The following THAP8 variants were observed in gnomAD, a reference collection of about 807,000 sequenced individuals.
THAP8 encodes THAP domain-containing protein 8.
In THAP8, 24 loss-of-function variants were observed where a neutral mutation model predicts 25.0. The observed-to-expected ratio is 0.96, with a 90% CI of 0.69 to 1.35. The LOEUF (loss-of-function observed/expected upper bound fraction) is 1.35. THAP8 is among the 40% of genes most tolerant of loss of function. The pLI, the probability that THAP8 is intolerant of heterozygous loss-of-function variation, is 0.00. For synonymous variants in THAP8, 169 were observed against 157.6 expected, an observed-to-expected ratio of 1.07 and a Z score of -0.54; for missense variants, 399 against 368.8, an observed-to-expected ratio of 1.08 and a Z score of -0.67.
chr19:36,049,940 G>A (rs1222826414), intron 1 of THAP8, among the ~76,000 whole-genome samples: 1 of 151,734 alleles, frequency 6.6e-6, no homozygotes, highest in Non-Finnish European at 1.5e-5. Flanking sequence ...TGTGGTCCCA[G>A]CTACTCAGGA....
rs543189162 is a variant in THAP8, at chr19:36,038,993, T to C, written c.672+330A>G. ...TATTTAGTATTAGTAAATGGAGCAA[T>C]CATTACTCAGCTCCAACCAATAGTT... On this transcript the variant is annotated intron_variant, in intron 3 of 3. Transcript: ENST00000292894. 2.7e-3 allele frequency among the ~76,000 whole-genome samples: 406 copies of C among 152,318 alleles called. 3 individuals carry two copies. Among genetic ancestry groups the C allele is most frequent in the African/African-American group, 9.4e-3 (390 of 41,562 alleles).
chr19:36,047,503 G>A lies in THAP8; in HGVS notation c.83+6632C>T, dbSNP rs150865654. 1.9e-3 allele frequency among the ~76,000 whole-genome samples: 296 copies of A among 152,284 alleles called. 1 individual carries two copies. Among genetic ancestry groups the A allele is most frequent in the African/African-American group, 7.0e-3 (289 of 41,566 alleles). On this transcript the variant is annotated intron_variant, in intron 1 of 3. Transcript: ENST00000292894. Reference sequence around the variant, plus strand: ...CCTTGGATGGAAGCCACAGGCCAAGGATGGAAGCCACAGGCTAAGGATGAC... The same window carrying A: ...CCTTGGATGGAAGCCACAGGCCAAGAATGGAAGCCACAGGCTAAGGATGAC...
intron 1 of THAP8, among the ~76,000 whole-genome samples, chr19:36,041,651 C>T (rs1969696868): frequency 6.6e-6 from 1 of 152,208 alleles, no homozygotes; most frequent in South Asian, 2.1e-4. Context: ...CTTGAACAAA[C>T]ATTTCTCCAA....
intron 1 of THAP8, among the ~76,000 whole-genome samples, chr19:36,042,686 G>C (rs529344277): frequency 1.3e-5 from 2 of 152,350 alleles, no homozygotes; most frequent in African/African-American, 4.8e-5. Context: ...ACAGCCAAAA[G>C]GTGGAAGTGT....
chr19:36,054,052 G>GCCCCGCAC (rs1970190690), intron 1 of THAP8, 83 bp downstream of exon 1: 3 of 1,468,898 alleles, frequency 2.0e-6, no homozygotes, highest in African/African-American at 2.8e-5. Flanking sequence ...AAGACCAGAA[G>GCCCCGCAC]CCCCGCACAG....
At chr19:36,045,349 G>A (rs1183549916) in intron 1 of THAP8, among the ~76,000 whole-genome samples, 2 of 151,252 alleles carry the variant, frequency 1.3e-5, no homozygotes, top group African/African-American at 4.9e-5. Context: ...GCTCCCTGCA[G>A]CATCAAACTC....
Position 36,037,243 on chromosome 19 carries a change from T to TACACACACACACACAC in THAP8, c.673-1667_673-1652dup, listed in dbSNP as rs67358015. 4.4e-5 allele frequency among the ~76,000 whole-genome samples: 5 copies of TACACACACACACACAC among 114,232 alleles called. No individual in the cohort carries two copies. The East Asian group carries it at 1.4e-3, about 31-fold the overall frequency. The allele number at this position is 114,232 out of a possible 152,430, so 74.9% of individuals were successfully genotyped here. A position where few individuals can be genotyped will look rare whatever the true frequency, so the allele number is the denominator to read the frequency against. ...AACACCCTTCCTCAACTTCCTCCCC[T>TACACACACACACACAC]ACACACACACACACACACACACACA... On this transcript the variant is annotated intron_variant, in intron 3 of 3. Transcript: ENST00000292894.
chr19:36,037,279 C>CACACACA (rs1342275484), intron 3 of THAP8, among the ~76,000 whole-genome samples: 1 of 139,012 alleles, frequency 7.2e-6, no homozygotes, highest in African/African-American at 2.7e-5. Context: ...CACACACACA[C>CACACACA]CTTCCTCAGC....
intron 1 of THAP8, among the ~76,000 whole-genome samples, chr19:36,049,709 TG>T (rs930081617): frequency 1.1e-4 from 17 of 152,266 alleles, no homozygotes; most frequent in African/African-American, 3.4e-4. Flanking sequence ...GAACAGTGCC[TG>T]GCATAAGGTA....
At chr19:36,042,178 G>A (rs1027575971) in intron 1 of THAP8, among the ~76,000 whole-genome samples, 4 of 152,034 alleles carry the variant, frequency 2.6e-5, no homozygotes, top group Non-Finnish European at 1.5e-5. Flanking sequence ...TACACTGCTG[G>A]GAATGTAAAA....
At chr19:36,052,304 A>G (rs1970079407) in intron 1 of THAP8, among the ~76,000 whole-genome samples, 1 of 152,168 alleles carries the variant, frequency 6.6e-6, no homozygotes, top group Non-Finnish European at 1.5e-5. Flanking sequence ...TGGCCTCCCA[A>G]AGTGCTGGGA....
chr19:36,041,790 C>CAAA (rs1467709353), intron 1 of THAP8, among the ~76,000 whole-genome samples: 20 of 152,072 alleles, frequency 1.3e-4, no homozygotes, highest in Admixed American at 1.2e-3. Flanking sequence ...TGAACAACAA[C>CAAA]AAAAAAGAGG....
At position 36,036,293 on chromosome 19, in the gene THAP8, TGA is replaced by T. The variant is rs1323693985; in HGVS notation, c.673-703_673-702del. Reference sequence around the variant, plus strand: ...CAGACTTTTTTTTTTTTTTTTTTTTTGAGACAGAGTCTCACAGTGTCACCCAG... The same window carrying T: ...CAGACTTTTTTTTTTTTTTTTTTTTTGACAGAGTCTCACAGTGTCACCCAG... On this transcript the variant is annotated intron_variant, in intron 3 of 3. Coordinates refer to ENST00000292894, the MANE Select transcript of THAP8 (RefSeq NM_152658.3). Among the ~76,000 whole-genome samples the T allele has an allele frequency of 8.9e-3, 1,328 of 149,780 alleles. 15 individuals are homozygous for T. The highest frequency in any genetic ancestry group is 0.031 in the South Asian group (144 of 4,670).
chr19:36,049,929 C>A (rs1212945932), intron 1 of THAP8, among the ~76,000 whole-genome samples: 1 of 151,884 alleles, frequency 6.6e-6, no homozygotes, highest in African/African-American at 2.4e-5. Flanking sequence ...TGGTGTGCAC[C>A]TGTGGTCCCA....
At position 36,035,154 on chromosome 19, in the gene THAP8, A is replaced by C. The variant is rs1969384358; in HGVS notation, c.*286T>G. 4 of 320,034 alleles carry C rather than the reference A, an allele frequency of 1.2e-5. No homozygotes were observed. In the East Asian group the frequency reaches 2.1e-4, roughly 17 times the overall value. The allele number at this position is 320,034 out of a possible 1,614,324, so 19.8% of individuals were successfully genotyped here. On this transcript the variant is annotated 3_prime_UTR_variant, in exon 4 of 4. Coordinates refer to ENST00000292894, the MANE Select transcript of THAP8 (RefSeq NM_152658.3). ...CCTTAGAACCAGGTATGATTCTCCC[A>C]AACAACCCTTGCTCTGCTCTGAGGC...
chr19:36,045,204 C>T (rs1969835621), intron 1 of THAP8, among the ~76,000 whole-genome samples: 1 of 152,132 alleles, frequency 6.6e-6, no homozygotes, highest in South Asian at 2.1e-4. Flanking sequence ...TCTCCTGCCT[C>T]AGCCTCCCGA....
chr19:36,054,495 G>T (rs1326267557), upstream of THAP8: 7 of 574,220 alleles, frequency 1.2e-5, no homozygotes, highest in African/African-American at 1.9e-5. Flanking sequence ...ATCACGTGTT[G>T]GGGGGAAGGG....
chr19:36,052,930 T>C (rs1409506524), intron 1 of THAP8, among the ~76,000 whole-genome samples: 2 of 152,180 alleles, frequency 1.3e-5, no homozygotes, highest in East Asian at 3.9e-4. Context: ...CCAAGAGAAA[T>C]ATTTTTTCCT....
chr19:36,040,260 C>G (rs1969644870), intron 1 of THAP8, 124 bp from the exon 2 acceptor site: 2 of 974,270 alleles, frequency 2.1e-6, no homozygotes, highest in Non-Finnish European at 2.9e-6. Context: ...GGAAGTAGAC[C>G]TGTCTTGTGC....
Sources: allele counts gnomAD v4.1 joint callset (sites outside exome capture counted in the v4.1 genomes callset), GRCh38; gene constraint gnomAD v4.1.1; transcripts MANE v1.5; gene names NCBI Gene and HGNC (gene_info 2026-07-23, HGNC 2026-07-21).